Variants in PHTF1 observed in about 807,000 individuals in gnomAD.
The protein encoded by PHTF1 is protein PHTF1.
Under a neutral mutation model 102.4 loss-of-function variants are expected in PHTF1, and 88 were observed. That is an observed-to-expected ratio of 0.86 (90% CI 0.72 to 1.03). The LOEUF is 1.03. Ranked by LOEUF, PHTF1 falls within the 50% of genes least tolerant of loss-of-function variation. The pLI is 0.00. For missense variants in PHTF1, 814 were observed against 909.5 expected (o/e 0.89, Z 1.35); for synonymous variants, 289 against 305.2 (o/e 0.95, Z 0.55).
intron 3 of PHTF1, among the ~76,000 whole-genome samples, chr1:113,742,681 G>A (rs74610368): frequency 0.1 from 15,837 of 152,170 alleles, 1,044 homozygotes; most frequent in East Asian, 0.23. Flanking sequence ...ATCATGAATA[G>A]TGCTCTCAGG....
chr1:113,723,760 C>T (rs575154052), intron 7 of PHTF1, among the ~76,000 whole-genome samples: 3 of 152,074 alleles, frequency 2.0e-5, no homozygotes, highest in Non-Finnish European at 4.4e-5. Flanking sequence ...GCAACCAAAG[C>T]AAAATGGACA....
intron 3 of PHTF1, among the ~76,000 whole-genome samples, chr1:113,748,850 ATTATTT>A (rs1381590769): frequency 7.9e-5 from 12 of 152,166 alleles, no homozygotes; most frequent in Non-Finnish European, 1.8e-4. Context: ...ATTTATTCTG[ATTATTT>A]TTATTTTCTA....
chr1:113,748,308 C>T (rs1462980084), intron 3 of PHTF1, among the ~76,000 whole-genome samples: 1 of 152,158 alleles, frequency 6.6e-6, no homozygotes, highest in South Asian at 2.1e-4. Context: ...GAAATACATA[C>T]ACAGTACTGC....
rs368333864 is a variant in PHTF1, at chr1:113,700,761, C to A, written c.2046+33G>T. ...TTACAGCGTATTACGCTACCCCTAA[C>A]CACTAAACCCAATTGACAGGACTGA... On this transcript the variant is annotated intron_variant, in intron 16 of 18. Transcript: ENST00000369604. 1.6e-5 allele frequency: 26 copies of A among 1,600,844 alleles called. No homozygotes were observed. In the African/African-American group the frequency reaches 3.1e-4, roughly 19 times the overall value.
In PHTF1 at chr1:113,711,964, T is replaced by C. The variant is rs1368625437; in HGVS notation, c.933A>G (p.Ile311Met). ...CCTGAGAGTTTAGGTGCCTTGAAAG[T>C]ATTGATTTTCTATTCTTAACTTCAC... Reference protein sequence around the residue: ...NGCEVKNRKSILSRHLNSQVK... With the variant: ...NGCEVKNRKSMLSRHLNSQVK... Residue 311 changes from isoleucine (I) to methionine (M), a missense_variant, in exon 9 of 19, where the codon ATA becomes ATG. By Grantham distance (10) the Ile-to-Met change is conservative. Coordinates refer to ENST00000369604, the MANE Select transcript of PHTF1 (RefSeq NM_001323043.2). The C allele has an allele frequency of 6.2e-7, 1 of 1,614,030 alleles. No homozygotes were observed.
intron 13 of PHTF1, among the ~76,000 whole-genome samples, chr1:113,705,273 C>T (rs2101106838): frequency 6.6e-6 from 1 of 152,218 alleles, no homozygotes; most frequent in South Asian, 2.1e-4. Context: ...GACCTCACCT[C>T]TACAAAAATA....
In PHTF1 at chr1:113,726,428, G is replaced by T. The variant is rs1249659069; in HGVS notation, c.478C>A (p.Arg160=). 6.2e-7 allele frequency: 1 copy of T among 1,605,418 alleles called. No individual in the cohort carries two copies. The part of the protein sequence containing the change: ...ITRPSGNNGN[R]RRRKLRKTVN... ...AATTTCTCATCTTACCTTCTTCTTC[G>T]ATTTCCATTGTTTCCTGATGGTCTT... The change falls in exon 6 of 19, where the codon CGA becomes AGA. Residue 160 remains arginine, a synonymous_variant. Transcript: ENST00000369604.
At chr1:113,716,287 CTT>C (rs1652016341) in intron 7 of PHTF1, among the ~76,000 whole-genome samples, 1 of 150,294 alleles carries the variant, frequency 6.7e-6, no homozygotes, top group Non-Finnish European at 1.5e-5. Flanking sequence ...TCAGTGCAAA[CTT>C]TACAGGCTAG....
chr1:113,703,272 C>A (rs189888606), intron 15 of PHTF1, among the ~76,000 whole-genome samples: 1 of 152,286 alleles, frequency 6.6e-6, no homozygotes, highest in Non-Finnish European at 1.5e-5. Context: ...CAAAGTAAAC[C>A]TCTACATATT....
At chr1:113,742,856 CAG>C (rs1189988046) in intron 3 of PHTF1, among the ~76,000 whole-genome samples, 2 of 152,136 alleles carry the variant, frequency 1.3e-5, no homozygotes, top group Non-Finnish European at 2.9e-5. Flanking sequence ...TTCTCTGGGA[CAG>C]AGTCTTGCTC....
In PHTF1 at chr1:113,698,248, G is replaced by T; in HGVS notation, c.2268+14C>A. 2 of 1,589,156 alleles carry T rather than the reference G, an allele frequency of 1.3e-6. No homozygotes were observed. Among genetic ancestry groups the T allele is most frequent in the Non-Finnish European group, 1.7e-6 (2 of 1,161,386 alleles). On this transcript the variant is annotated intron_variant, in intron 18 of 18. Transcript: ENST00000369604. ...TTTAAGACTAGGATGCTACAGAGTG[G>T]TGGTGATACTTACTCTTATATTAAA...
At chr1:113,734,177 T>C (rs1038607702) in intron 5 of PHTF1, among the ~76,000 whole-genome samples, 1 of 152,134 alleles carries the variant, frequency 6.6e-6, no homozygotes, top group African/African-American at 2.4e-5. Flanking sequence ...GGAGAATCAC[T>C]TGAACCTGGG....
intron 1 of PHTF1, 43 bp from the exon 2 acceptor site, chr1:113,758,776 G>C: frequency 6.4e-7 from 1 of 1,574,566 alleles, no homozygotes; most frequent in Non-Finnish European, 8.6e-7. Flanking sequence ...AGCTGCTGAA[G>C]GTTACTCTCC....
chr1:113,733,501 T>C (rs1481349726), intron 5 of PHTF1, among the ~76,000 whole-genome samples: 2 of 152,126 alleles, frequency 1.3e-5, no homozygotes, highest in African/African-American at 4.8e-5. Context: ...AAAACTCATA[T>C]TGAAATCTTA....
At position 113,726,411 on chromosome 1, in the gene PHTF1, A is replaced by T. The variant is rs1440552375; in HGVS notation, c.488+7T>A. 6.9e-6 allele frequency: 11 copies of T among 1,593,858 alleles called. No homozygotes were observed. The highest frequency in any genetic ancestry group is 9.4e-6 in the Non-Finnish European group (11 of 1,165,444). ...ATATACAACTACAGTGTAATTTCTCATCTTACCTTCTTCTTCGATTTCCAT... is the reference window on the plus strand; with the variant it reads ...ATATACAACTACAGTGTAATTTCTCTTCTTACCTTCTTCTTCGATTTCCAT... On this transcript the variant is annotated splice_region_variant and intron_variant, in intron 6 of 18. Transcript: ENST00000369604.
chr1:113,708,111 A>G (rs1349276500), intron 11 of PHTF1, among the ~76,000 whole-genome samples: 1 of 152,184 alleles, frequency 6.6e-6, no homozygotes, highest in Non-Finnish European at 1.5e-5. Flanking sequence ...GAAAGAAGAA[A>G]AAAGGATTTT....
chr1:113,712,623 G>C (rs1651306943), intron 8 of PHTF1, among the ~76,000 whole-genome samples: 2 of 152,152 alleles, frequency 1.3e-5, no homozygotes, highest in African/African-American at 4.8e-5. Context: ...TGTGTAGCTA[G>C]TTTTAGACAT....
At chr1:113,755,959 C>T (rs1199226776) in intron 3 of PHTF1, among the ~76,000 whole-genome samples, 1 of 149,676 alleles carries the variant, frequency 6.7e-6, no homozygotes, top group African/African-American at 2.5e-5. Context: ...CCCAACTACT[C>T]GGGAGGCTGA....
intron 11 of PHTF1, among the ~76,000 whole-genome samples, chr1:113,708,020 T>C (rs1248831256): frequency 6.6e-6 from 1 of 152,124 alleles, no homozygotes; most frequent in East Asian, 1.9e-4. Flanking sequence ...GAGTCGAAGT[T>C]CACCATGTGA....
Sources: gnomAD v4.1 joint callset for allele counts (sites outside exome capture counted in the v4.1 genomes callset) on GRCh38, gnomAD v4.1.1 for gene constraint, MANE v1.5 for transcripts, NCBI Gene and HGNC (gene_info 2026-07-23, HGNC 2026-07-21) for gene names.